TMEM135: variants seen among roughly 807,000 people sequenced by gnomAD.
TMEM135 encodes the protein peroxisomal membrane protein 52.
In TMEM135, 30 loss-of-function variants were observed where a neutral mutation model predicts 60.3. The observed-to-expected ratio is 0.50, with a 90% CI of 0.37 to 0.68. The LOEUF is 0.68. Among genes scored for constraint, TMEM135 ranks in the 30% least tolerant of loss-of-function variants. The pLI is 0.00. For synonymous variants in TMEM135, 190 were observed against 186.7 expected (o/e 1.02, Z -0.14); for missense variants, 468 against 548.8 (o/e 0.85, Z 1.47).
intron 4 of TMEM135, among the ~76,000 whole-genome samples, chr11:87,100,066 T>C (rs978937808): frequency 1.3e-5 from 2 of 152,174 alleles, no homozygotes; most frequent in African/African-American, 4.8e-5. Flanking sequence ...TTTGAATCTC[T>C]AGTTCTTTAA....
At chr11:87,143,366 C>CTT (rs1293942183) in intron 4 of TMEM135, among the ~76,000 whole-genome samples, 2 of 57,404 alleles carry the variant, frequency 3.5e-5, no homozygotes, top group Non-Finnish European at 3.2e-5. Context: ...TTCTTTCTTT[C>CTT]TTTTTTTTTT....
intron 4 of TMEM135, among the ~76,000 whole-genome samples, chr11:87,112,994 A>G: frequency 6.6e-6 from 1 of 152,100 alleles, no homozygotes; most frequent in South Asian, 2.1e-4. Context: ...GGCGTGCAGA[A>G]AATTGGTAAT....
chr11:87,144,438 G>T (rs1429641156), intron 4 of TMEM135, among the ~76,000 whole-genome samples: 2 of 152,182 alleles, frequency 1.3e-5, no homozygotes, highest in African/African-American at 4.8e-5. Context: ...AAATGGGCAT[G>T]GTGGTGTGCC....
At chr11:87,152,878 AT>A (rs1311699519) in intron 4 of TMEM135, among the ~76,000 whole-genome samples, 3 of 152,146 alleles carry the variant, frequency 2.0e-5, no homozygotes, top group Non-Finnish European at 2.9e-5. Flanking sequence ...TCAACTCTTT[AT>A]ACACTGATGA....
chr11:87,274,370 C>A (rs1344685058), intron 6 of TMEM135, among the ~76,000 whole-genome samples: 2 of 152,168 alleles, frequency 1.3e-5, no homozygotes, highest in Non-Finnish European at 2.9e-5. Context: ...ATAACAGTCT[C>A]TGCCCTCTTC....
At chr11:87,072,649 A>T (rs1856792940) in intron 3 of TMEM135, among the ~76,000 whole-genome samples, 1 of 151,970 alleles carries the variant, frequency 6.6e-6, no homozygotes, top group South Asian at 2.1e-4. Flanking sequence ...CCAAAGTGCT[A>T]GTATTACAGG....
intron 6 of TMEM135, among the ~76,000 whole-genome samples, chr11:87,251,290 A>G (rs1941410959): frequency 2.0e-5 from 3 of 152,250 alleles, no homozygotes; most frequent in South Asian, 2.1e-4. Flanking sequence ...TGTTCCAAGT[A>G]TGGACTGGAG....
chr11:87,078,759 G>A (rs1856924092), intron 3 of TMEM135, among the ~76,000 whole-genome samples: 1 of 151,410 alleles, frequency 6.6e-6, no homozygotes, highest in African/African-American at 2.4e-5. Context: ...GACTGCAGGT[G>A]TGTGCCACTA....
intron 4 of TMEM135, among the ~76,000 whole-genome samples, chr11:87,116,529 A>T (rs1300610020): frequency 6.6e-6 from 1 of 152,150 alleles, no homozygotes; most frequent in East Asian, 1.9e-4. Context: ...TATGACATTT[A>T]TTTTAGATGC....
At chr11:87,272,148 G>T (rs143776428) in intron 6 of TMEM135, among the ~76,000 whole-genome samples, 3,704 of 147,764 alleles carry the variant, frequency 0.025, 69 homozygotes, top group Non-Finnish European at 0.036. Flanking sequence ...CCCCCTCCCT[G>T]GTTCCAGCAA....
intron 3 of TMEM135, among the ~76,000 whole-genome samples, chr11:87,086,486 A>G (rs1278993773): frequency 2.0e-5 from 3 of 152,086 alleles, no homozygotes; most frequent in Non-Finnish European, 4.4e-5. Flanking sequence ...GCAGAGAAGA[A>G]TTTTATTAAG....
chr11:87,282,422 G>A (rs1395195462), intron 6 of TMEM135, among the ~76,000 whole-genome samples: 5 of 152,048 alleles, frequency 3.3e-5, no homozygotes, highest in Non-Finnish European at 5.9e-5. Context: ...GAGCCACCAT[G>A]GCCGGCTAAT....
chr11:87,185,554 A>C (rs1939631901), intron 5 of TMEM135, among the ~76,000 whole-genome samples: 1 of 151,988 alleles, frequency 6.6e-6, no homozygotes. Context: ...GGTTTTGTGT[A>C]CTTCCATGAA....
intron 6 of TMEM135, among the ~76,000 whole-genome samples, chr11:87,244,757 C>T (rs1941220522): frequency 6.8e-6 from 1 of 148,066 alleles, no homozygotes; most frequent in Non-Finnish European, 1.5e-5. Context: ...CTTTATTAGT[C>T]TTGCTAGCGG....
At position 87,305,975 on chromosome 11, in the gene TMEM135, T is replaced by C. The variant is rs140610306; in HGVS notation, c.738T>C (p.Tyr246=). ...HGPRHRCCKH[Y]EDNCISYCIK... is the part of the protein sequence containing the mutation. Reference sequence around the variant, plus strand: ...CAAGGCATAGATGTTGCAAACATTATGAAGATAATTGCATCTCTTATTGCA... The same window carrying C: ...CAAGGCATAGATGTTGCAAACATTACGAAGATAATTGCATCTCTTATTGCA... The change falls in exon 9 of 15, where the codon TAT becomes TAC. Residue 246 remains tyrosine, a synonymous_variant. Transcript: ENST00000305494. 2.5e-6 allele frequency: 4 copies of C among 1,603,148 alleles called. No homozygotes were observed. The African/African-American group carries it at 5.3e-5, about 21-fold the overall frequency.
At chr11:87,279,723 C>G (rs1183983201) in intron 6 of TMEM135, among the ~76,000 whole-genome samples, 3 of 152,176 alleles carry the variant, frequency 2.0e-5, no homozygotes, top group Non-Finnish European at 4.4e-5. Flanking sequence ...CTTACTCCAC[C>G]TCATGTAACT....
Position 87,309,556 on chromosome 11 carries a change from AT to A in TMEM135, c.821del (p.Ile274ThrfsTer51). The A allele has an allele frequency of 2.5e-6, 4 of 1,613,828 alleles. No homozygotes were observed. The highest frequency in any genetic ancestry group is 3.4e-6 in the Non-Finnish European group (4 of 1,179,826). On this transcript the variant is annotated frameshift_variant, in exon 10 of 15. Coordinates refer to ENST00000305494, the MANE Select transcript of TMEM135 (RefSeq NM_022918.4). LOFTEE classifies it high-confidence loss of function. ...VGYLIQCCLR[I>X]PSAFRHLFTQ... ...GTACTTGATCCAGTGCTGCCTCCGA[AT>A]CCCTTCTGCATTTAGGCATCTGTTT...
chr11:87,058,873 C>T (rs1047502761), intron 1 of TMEM135, among the ~76,000 whole-genome samples: 4 of 152,004 alleles, frequency 2.6e-5, no homozygotes, highest in Non-Finnish European at 5.9e-5. Flanking sequence ...GCCTGCCTCA[C>T]CCTCCCAAAG....
At chr11:87,248,052 A>G (rs2135387683) in intron 6 of TMEM135, among the ~76,000 whole-genome samples, 1 of 151,774 alleles carries the variant, frequency 6.6e-6, no homozygotes, top group Admixed American at 6.5e-5. Context: ...ATAGCTGAAT[A>G]GCATTCCATC....
Sources: gnomAD v4.1 joint callset for allele counts (sites outside exome capture counted in the v4.1 genomes callset) on GRCh38, gnomAD v4.1.1 for gene constraint, MANE v1.5 for transcripts, NCBI Gene and HGNC (gene_info 2026-07-23, HGNC 2026-07-21) for gene names.